DHRSX: variants seen among roughly 807,000 people sequenced by gnomAD.
DHRSX encodes the protein dehydrogenase/reductase X-linked.
DHRSX carries 31 observed loss-of-function variants against 34.0 expected under a neutral mutation model. The observed-to-expected ratio is 0.91, with a 90% CI of 0.69 to 1.23. DHRSX has a LOEUF of 1.23. DHRSX is among the 50% of genes most tolerant of loss of function. The pLI is 0.00. For synonymous variants in DHRSX, 201 were observed against 183.8 expected (o/e 1.09, Z -0.76); for missense variants, 414 against 428.1 (o/e 0.97, Z 0.29).
chrX:2,361,722 C>T (rs1328008692), intron 3 of DHRSX, among the ~76,000 whole-genome samples: 1 of 152,134 alleles, frequency 6.6e-6, no homozygotes, highest in Non-Finnish European at 1.5e-5. Context: ...TAAGGTCTCA[C>T]TCCTATACAG....
chrX:2,445,364 C>T (rs773395615), intron 1 of DHRSX, among the ~76,000 whole-genome samples: 2 of 152,208 alleles, frequency 1.3e-5, no homozygotes, highest in East Asian at 3.9e-4. Flanking sequence ...TATTTCACAG[C>T]ACTAACCTTC....
intron 3 of DHRSX, among the ~76,000 whole-genome samples, chrX:2,389,487 G>A (rs1179629670): frequency 6.6e-6 from 1 of 152,194 alleles, no homozygotes; most frequent in Non-Finnish European, 1.5e-5. Context: ...GAGGGAGACA[G>A]GGAGGGCACA....
chrX:2,426,113 C>G (rs1359556160), intron 1 of DHRSX, among the ~76,000 whole-genome samples: 1 of 152,056 alleles, frequency 6.6e-6, no homozygotes, highest in Non-Finnish European at 1.5e-5. Flanking sequence ...TCTTCACCAC[C>G]TCTGGGGATT....
intron 3 of DHRSX, among the ~76,000 whole-genome samples, chrX:2,335,480 A>C (rs1181593156): frequency 1.3e-5 from 2 of 151,378 alleles, no homozygotes; most frequent in Non-Finnish European, 2.9e-5. Context: ...TAGACAGAGT[A>C]TTGCTCTGGC....
chrX:2,298,614 A>G (rs866769837), intron 3 of DHRSX, among the ~76,000 whole-genome samples: 7 of 83,002 alleles, frequency 8.4e-5, no homozygotes, highest in African/African-American at 1.6e-4. Context: ...ACACACACAC[A>G]CACACACACA....
chrX:2,362,271 A>G (rs751241844), intron 3 of DHRSX, among the ~76,000 whole-genome samples: 37 of 152,282 alleles, frequency 2.4e-4, no homozygotes, highest in African/African-American at 7.9e-4. Flanking sequence ...GAAGGCTCCC[A>G]GGGAAAGACC....
At chrX:2,357,927 C>G (rs1191484455) in intron 3 of DHRSX, among the ~76,000 whole-genome samples, 3 of 152,072 alleles carry the variant, frequency 2.0e-5, no homozygotes, top group Non-Finnish European at 2.9e-5. Context: ...ATAGTCAAAA[C>G]AGGGTAACTC....
chrX:2,435,476 A>AG (rs1348956021), intron 1 of DHRSX, among the ~76,000 whole-genome samples: 1 of 142,972 alleles, frequency 7.0e-6, no homozygotes, highest in Non-Finnish European at 1.5e-5. Context: ...AAAAAAAAAA[A>AG]GTCTAGGCAG....
intron 2 of DHRSX, among the ~76,000 whole-genome samples, chrX:2,410,814 G>C (rs968147756): frequency 4.6e-5 from 7 of 152,186 alleles, no homozygotes; most frequent in Non-Finnish European, 1.0e-4. Flanking sequence ...ATAGTGCAAA[G>C]TCCATCCTTT....
At chrX:2,284,940 T>C (rs867749202) in intron 4 of DHRSX, among the ~76,000 whole-genome samples, 38 of 152,328 alleles carry the variant, frequency 2.5e-4, no homozygotes, top group Non-Finnish European at 4.6e-4. Flanking sequence ...TGTAGCTCCT[T>C]CTTGCCTTGG....
At chrX:2,416,698 C>T (rs2043698418) in intron 2 of DHRSX, among the ~76,000 whole-genome samples, 1 of 152,028 alleles carries the variant, frequency 6.6e-6, no homozygotes, top group Non-Finnish European at 1.5e-5. Flanking sequence ...AAAAAATGAT[C>T]CCCCACCAAA....
chrX:2,269,061 ATG>A (rs2041513482), intron 4 of DHRSX, among the ~76,000 whole-genome samples: 1 of 152,228 alleles, frequency 6.6e-6, no homozygotes, highest in Admixed American at 6.5e-5. Flanking sequence ...TTGTATATAT[ATG>A]TGTTTGCATC....
At chrX:2,362,078 T>A (rs2042940583) in intron 3 of DHRSX, among the ~76,000 whole-genome samples, 1 of 152,162 alleles carries the variant, frequency 6.6e-6, no homozygotes, top group Non-Finnish European at 1.5e-5. Flanking sequence ...AAAGGAAGGC[T>A]GGAGTGGATT....
At chrX:2,369,286 A>G (rs1209416575) in intron 3 of DHRSX, among the ~76,000 whole-genome samples, 1 of 152,220 alleles carries the variant, frequency 6.6e-6, no homozygotes, top group Non-Finnish European at 1.5e-5. Flanking sequence ...TGGAGACAGC[A>G]GGTACTGTGA....
intron 4 of DHRSX, among the ~76,000 whole-genome samples, chrX:2,273,133 C>T (rs1423648577): frequency 1.3e-5 from 2 of 152,112 alleles, no homozygotes; most frequent in South Asian, 2.1e-4. Context: ...GTGGAGGTTG[C>T]AGTGAGCCGA....
At chrX:2,351,872 A>G (rs1160845700) in intron 3 of DHRSX, among the ~76,000 whole-genome samples, 1 of 152,042 alleles carries the variant, frequency 6.6e-6, no homozygotes, top group Non-Finnish European at 1.5e-5. Flanking sequence ...GATGCCCAAC[A>G]CTACACCCGG....
intron 3 of DHRSX, among the ~76,000 whole-genome samples, chrX:2,345,489 A>T (rs928000779): frequency 6.6e-6 from 1 of 151,904 alleles, no homozygotes; most frequent in African/African-American, 2.4e-5. Flanking sequence ...CCAAAAAAAT[A>T]AAAATAAATT....
Position 2,220,804 on chromosome X carries a change from G to A in DHRSX, c.*237C>T, listed in dbSNP as rs2015503513. ...TTATTTATGGCACCTGTGACAACTG[G>A]GCACTTTGGAATCACAAAGTTTATG... On this transcript the variant is annotated 3_prime_UTR_variant, in exon 7 of 7. Transcript: ENST00000334651. The A allele has an allele frequency of 2.1e-6, 1 of 483,800 alleles. No homozygotes were observed. Among genetic ancestry groups the A allele is most frequent in the South Asian group, 5.6e-5 (1 of 18,012 alleles). 30.0% of individuals were successfully genotyped at this position (483,800 alleles called of 1,614,324 possible). A position where few individuals can be genotyped will look rare whatever the true frequency, so the allele number is the denominator to read the frequency against.
Position 2,294,969 on chromosome X carries a change from C to T in DHRSX, c.287-3366G>A, listed in dbSNP as rs1462129757. On this transcript the variant is annotated intron_variant, in intron 3 of 6. Coordinates refer to ENST00000334651, the MANE Select transcript of DHRSX (RefSeq NM_145177.3). ...TGGAGAAATAGGAACATTTTTACACCGTTGGTAGGAGTGTAAATTAGTTCA... is the reference window on the plus strand; with the variant it reads ...TGGAGAAATAGGAACATTTTTACACTGTTGGTAGGAGTGTAAATTAGTTCA... Among the ~76,000 whole-genome samples the T allele has an allele frequency of 6.6e-5, 10 of 151,898 alleles. No homozygotes were observed. The East Asian group carries it at 1.9e-3, about 29-fold the overall frequency.
Sources: allele counts gnomAD v4.1 joint callset (sites outside exome capture counted in the v4.1 genomes callset), GRCh38; gene constraint gnomAD v4.1.1; transcripts MANE v1.5; gene names NCBI Gene and HGNC (gene_info 2026-07-23, HGNC 2026-07-21).